SPIDR: variants seen among roughly 807,000 people sequenced by gnomAD.
SPIDR encodes the protein DNA repair-scaffolding protein.
In SPIDR, 93 loss-of-function variants were observed where a neutral mutation model predicts 104.6. The ratio of observed to expected loss-of-function variants is 0.89; its 90% CI spans 0.75 to 1.06. The LOEUF (loss-of-function observed/expected upper bound fraction) is 1.06. SPIDR is among the 50% of genes least tolerant of loss of function. The pLI, the probability that SPIDR is intolerant of heterozygous loss-of-function variation, is 0.00. For missense variants in SPIDR, 1,154 were observed against 1,111.2 expected (o/e 1.04, Z -0.55); for synonymous variants, 431 against 416.9 (o/e 1.03, Z -0.41).
chr8:47,729,185 A>G, intron 18 of SPIDR, 138 bp downstream of exon 18: 5 of 1,525,394 alleles, frequency 3.3e-6, no homozygotes, highest in Middle Eastern at 1.7e-4. Context: ...TTGCATCTGG[A>G]ACTCCCTCTA....
chr8:47,668,265 A>C (rs540375989), intron 10 of SPIDR, among the ~76,000 whole-genome samples: 33 of 152,170 alleles, frequency 2.2e-4, no homozygotes, highest in Non-Finnish European at 4.3e-4. Flanking sequence ...ATTAAAGACC[A>C]ATATCATTAA....
Position 47,357,704 on chromosome 8 carries a change from T to C in SPIDR, c.526-38672T>C, listed in dbSNP as rs2054837604. 6 of 210,550 alleles carry C rather than the reference T, an allele frequency of 2.8e-5. No individual in the cohort carries two copies. In the South Asian group the frequency reaches 1.0e-3, roughly 36 times the overall value. The allele number at this position is 210,550 out of a possible 1,614,324, so 13.0% of individuals were successfully genotyped here. A position where few individuals can be genotyped will look rare whatever the true frequency, so the allele number is the denominator to read the frequency against. ...AAGCACAATGAGCATAGTACTCATT[T>C]CCATAAATATGTGCTTTTGTTTTGT... On this transcript the variant is annotated intron_variant, in intron 5 of 19. Coordinates refer to ENST00000297423, the MANE Select transcript of SPIDR (RefSeq NM_001080394.4).
intron 10 of SPIDR, among the ~76,000 whole-genome samples, chr8:47,640,256 T>A (rs972066866): frequency 3.3e-5 from 5 of 152,200 alleles, no homozygotes. Flanking sequence ...AGTTAGGCCC[T>A]CTGCTCTGAT....
chr8:47,366,244 G>A (rs1182151340), intron 5 of SPIDR, among the ~76,000 whole-genome samples: 1 of 152,130 alleles, frequency 6.6e-6, no homozygotes, highest in Admixed American at 6.5e-5. Context: ...CAGGGACTGA[G>A]GGTGTGGTGT....
At chr8:47,341,587 A>G (rs911081438) in intron 5 of SPIDR, among the ~76,000 whole-genome samples, 1 of 152,076 alleles carries the variant, frequency 6.6e-6, no homozygotes, top group African/African-American at 2.4e-5. Flanking sequence ...TTTGTTGCAG[A>G]TAATTCTTAT....
chr8:47,262,880 A>C (rs574283713), intron 1 of SPIDR, among the ~76,000 whole-genome samples: 1 of 152,244 alleles, frequency 6.6e-6, no homozygotes, highest in East Asian at 1.9e-4. Flanking sequence ...GCCGGCTAGC[A>C]TGCTCCCATT....
At chr8:47,634,899 C>T (rs981108891) in intron 10 of SPIDR, among the ~76,000 whole-genome samples, 1 of 152,152 alleles carries the variant, frequency 6.6e-6, no homozygotes, top group Non-Finnish European at 1.5e-5. Flanking sequence ...AGTTTTTCAC[C>T]ATCCAGATTT....
intron 8 of SPIDR, among the ~76,000 whole-genome samples, chr8:47,468,233 C>T (rs1339835400): frequency 1.3e-5 from 2 of 152,184 alleles, no homozygotes; most frequent in Non-Finnish European, 2.9e-5. Context: ...ATATTCCATG[C>T]TCATTAATAG....
At chr8:47,410,453 TTA>T (rs2154325536) in intron 7 of SPIDR, among the ~76,000 whole-genome samples, 1 of 152,240 alleles carries the variant, frequency 6.6e-6, no homozygotes, top group Non-Finnish European at 1.5e-5. Context: ...AGTGCTGGGA[TTA>T]CAGGTGTGAG....
At chr8:47,528,091 A>G (rs888864645) in intron 8 of SPIDR, 1 of 152,162 alleles carries the variant, frequency 6.6e-6, no homozygotes, top group Admixed American at 6.5e-5. Context: ...AACAAACCTC[A>G]CATATGTTGT....
chr8:47,331,964 ACTTTT>A, intron 5 of SPIDR, among the ~76,000 whole-genome samples: 1 of 50,618 alleles, frequency 2.0e-5, no homozygotes, highest in African/African-American at 7.1e-5. Flanking sequence ...ATTTTTTTAA[ACTTTT>A]TTTTTTTTTT....
intron 5 of SPIDR, among the ~76,000 whole-genome samples, chr8:47,386,058 CT>C (rs1291329634): frequency 2.0e-5 from 3 of 151,036 alleles, no homozygotes; most frequent in African/African-American, 2.4e-5. Flanking sequence ...AGGGATCCAG[CT>C]TTTTTTTTCT....
chr8:47,460,440 G>C (rs1403216602), intron 8 of SPIDR, among the ~76,000 whole-genome samples: 1 of 152,074 alleles, frequency 6.6e-6, no homozygotes, highest in Non-Finnish European at 1.5e-5. Context: ...TTTAACTGCT[G>C]TTGCTTTAAA....
intron 7 of SPIDR, among the ~76,000 whole-genome samples, chr8:47,439,664 A>T (rs1192207160): frequency 6.6e-6 from 1 of 152,184 alleles, no homozygotes; most frequent in Non-Finnish European, 1.5e-5. Context: ...ATCTCATTTA[A>T]TCTGAACAAA....
chr8:47,528,236 A>G (rs935334172), intron 8 of SPIDR: 2 of 152,220 alleles, frequency 1.3e-5, no homozygotes, highest in Admixed American at 6.5e-5. Flanking sequence ...AATCCTTGAT[A>G]CTTTCCCCTA....
chr8:47,715,825 C>T (rs1052742348), intron 16 of SPIDR, among the ~76,000 whole-genome samples: 4 of 152,110 alleles, frequency 2.6e-5, no homozygotes, highest in African/African-American at 2.4e-5. Context: ...TTTGTTTGAA[C>T]GCCTGTTTTG....
At chr8:47,564,255 T>C (rs1218229328) in intron 8 of SPIDR, among the ~76,000 whole-genome samples, 2 of 151,950 alleles carry the variant, frequency 1.3e-5, no homozygotes, top group Non-Finnish European at 2.9e-5. Flanking sequence ...ATTTTTATAT[T>C]ATTAGTAGAG....
At chr8:47,652,362 G>A (rs941868641) in intron 10 of SPIDR, among the ~76,000 whole-genome samples, 1 of 152,160 alleles carries the variant, frequency 6.6e-6, no homozygotes, top group African/African-American at 2.4e-5. Context: ...CAAAGTCCTA[G>A]AGGCCGTGTT....
intron 7 of SPIDR, among the ~76,000 whole-genome samples, chr8:47,428,753 C>A (rs933318498): frequency 6.6e-6 from 1 of 152,182 alleles, no homozygotes; most frequent in Non-Finnish European, 1.5e-5. Context: ...TTCTCCCTCC[C>A]TGTGTTTCAG....
Sources: allele counts gnomAD v4.1 joint callset (sites outside exome capture counted in the v4.1 genomes callset), GRCh38; gene constraint gnomAD v4.1.1; transcripts MANE v1.5; gene names NCBI Gene and HGNC (gene_info 2026-07-23, HGNC 2026-07-21).